Variants in CCDC62 observed in about 807,000 individuals in gnomAD.
CCDC62 encodes the protein coiled-coil domain-containing protein 62.
Under a neutral mutation model 80.8 loss-of-function variants are expected in CCDC62, and 72 were observed. The ratio of observed to expected loss-of-function variants is 0.89; its 90% confidence interval spans 0.74 to 1.08. CCDC62 has a LOEUF of 1.08. Ranked by LOEUF, CCDC62 falls within the 50% of genes least tolerant of loss-of-function variation. The probability of loss-of-function intolerance (pLI) is 0.00; values close to 1 mark genes in which losing one functional copy is unlikely to be tolerated. For missense variants in CCDC62, 704 were observed against 809.4 expected (o/e 0.87, Z 1.58); for synonymous variants, 286 against 296.5 (o/e 0.96, Z 0.36).
At chr12:122,789,612 T>C (rs534577897) in intron 5 of CCDC62, among the ~76,000 whole-genome samples, 168 of 152,222 alleles carry the variant, frequency 1.1e-3, no homozygotes, top group African/African-American at 3.9e-3. Flanking sequence ...TTTGGATGTT[T>C]AGTAGAGACA....
chr12:122,797,367 C>T lies in CCDC62; in HGVS notation c.833C>T (p.Thr278Ile). The change falls in exon 7 of 13, where the codon ACA becomes ATA. Residue 278 changes from threonine to isoleucine, a missense_variant. Coordinates refer to ENST00000253079, the MANE Select transcript of CCDC62 (RefSeq NM_201435.5). ...LNIAKSKQERTNSELHNLRQI... is the reference protein window; with the variant it reads ...LNIAKSKQERINSELHNLRQI... The stretch of plus-strand genomic sequence containing the variant: ...ATTGCGAAGTCAAAGCAAGAACGCA[C>T]AAATTCAGAACTGCACAATCTGAGA... The T allele has an allele frequency of 6.3e-7, 1 of 1,597,182 alleles. No homozygotes were observed. The highest frequency in any genetic ancestry group is 1.1e-5 in the South Asian group (1 of 90,678).
chr12:122,803,944 G>T (rs2031445728), intron 9 of CCDC62, among the ~76,000 whole-genome samples: 1 of 152,176 alleles, frequency 6.6e-6, no homozygotes, highest in East Asian at 1.9e-4. Flanking sequence ...TGACCTCACC[G>T]ACTTAAAATG....
chr12:122,798,367 C>CTT (rs2031094053), intron 8 of CCDC62, among the ~76,000 whole-genome samples, 167 bp downstream of exon 8: 1 of 152,154 alleles, frequency 6.6e-6, no homozygotes, highest in Non-Finnish European at 1.5e-5. Flanking sequence ...CTTTGGGAGG[C>CTT]CAAGGCAGGT....
At chr12:122,781,679 C>G (rs1442760153) in intron 3 of CCDC62, among the ~76,000 whole-genome samples, 1 of 147,832 alleles carries the variant, frequency 6.8e-6, no homozygotes, top group Non-Finnish European at 1.5e-5. Flanking sequence ...GAGCGAAACT[C>G]TGTCTCAAAA....
At chr12:122,800,652 C>G (rs563487262) in intron 8 of CCDC62, among the ~76,000 whole-genome samples, 5 of 152,240 alleles carry the variant, frequency 3.3e-5, no homozygotes, top group East Asian at 3.9e-4. Context: ...GTCTCGAACT[C>G]CTGACCTCAG....
chr12:122,793,794 T>C (rs2030774541), intron 6 of CCDC62, among the ~76,000 whole-genome samples: 1 of 152,098 alleles, frequency 6.6e-6, no homozygotes, highest in African/African-American at 2.4e-5. Flanking sequence ...AATTTTAATC[T>C]CTTGTGATTA....
At chr12:122,818,452 C>CAA (rs138729013) in intron 11 of CCDC62, among the ~76,000 whole-genome samples, 17 of 61,886 alleles carry the variant, frequency 2.7e-4, no homozygotes, top group Admixed American at 4.0e-4. Flanking sequence ...GACTCTGTCT[C>CAA]AAAAAAAAAA....
chr12:122,806,193 A>C lies in CCDC62; in HGVS notation c.1749A>C (p.Ser583=). The C allele has an allele frequency of 6.2e-7, 1 of 1,613,866 alleles. No individual in the cohort carries two copies. Among genetic ancestry groups the C allele is most frequent in the Non-Finnish European group, 8.5e-7 (1 of 1,179,866 alleles). The change falls in exon 10 of 13, where the codon TCA becomes TCC. Residue 583 remains serine, a synonymous_variant. Coordinates refer to ENST00000253079, the MANE Select transcript of CCDC62 (RefSeq NM_201435.5). ...AIQDSHSLGS[S]KSALREDETE... ...AAGATTCCCACTCTTTGGGTTCTTC[A>C]AAATCTGCCTTGAGAGAAGATGAGA...
At chr12:122,777,305 T>C (rs1879522791) in intron 1 of CCDC62, 186 bp from the exon 2 acceptor site, 2 of 551,064 alleles carry the variant, frequency 3.6e-6, no homozygotes, top group East Asian at 3.1e-5. Context: ...AGAGGCAGAG[T>C]GCATGGTAGA....
At chr12:122,787,750 GAAA>G (rs142368952) in intron 4 of CCDC62, among the ~76,000 whole-genome samples, 3 of 131,638 alleles carry the variant, frequency 2.3e-5, no homozygotes, top group African/African-American at 8.4e-5. Context: ...ACTTCATCTG[GAAA>G]AAAAAAAAAA....
chr12:122,785,685 C>G (rs373115965), intron 3 of CCDC62, 34 bp from the exon 4 acceptor site: 1 of 1,375,380 alleles, frequency 7.3e-7, no homozygotes, highest in Non-Finnish European at 1.0e-6. Context: ...TTTAAAAGGA[C>G]TCAAGCAGTA....
At chr12:122,814,008 G>A (rs925254533) in intron 11 of CCDC62, among the ~76,000 whole-genome samples, 9 of 151,646 alleles carry the variant, frequency 5.9e-5, no homozygotes, top group African/African-American at 1.2e-4. Flanking sequence ...AAGGCCGGGC[G>A]TGGTGGCTCA....
chr12:122,806,384 C>A, intron 10 of CCDC62, 89 bp downstream of exon 10: 4 of 941,692 alleles, frequency 4.2e-6, no homozygotes, highest in South Asian at 3.2e-5. Flanking sequence ...TGTTAGCTTG[C>A]TTATTTTGGC....
Position 122,777,496 on chromosome 12 carries a change from C to T in CCDC62, c.42C>T (p.Ile14=), listed in dbSNP as rs61956960. ...PAAFLAGRQN[I]GSEVEISTIE... is the part of the protein sequence containing the mutation. ...AAACCGCTTTCTATGTTTAGAACAT[C>T]GGGTCAGAAGTTGAGATTTCCACTA... Residue 14 remains isoleucine, a synonymous_variant, in exon 2 of 13, where the codon ATC becomes ATT. Transcript: ENST00000253079. The T allele has an allele frequency of 0.012, 19,197 of 1,606,116 alleles. 153 individuals are homozygous for T. Among genetic ancestry groups the T allele is most frequent in the Non-Finnish European group, 0.015 (17,227 of 1,175,252 alleles).
chr12:122,805,704 C>T lies in CCDC62; in HGVS notation c.1707-447C>T, dbSNP rs959569479. Among the ~76,000 whole-genome samples the T allele has an allele frequency of 2.0e-5, 3 of 151,876 alleles. 1 individual carries two copies. The highest frequency in any genetic ancestry group is 2.9e-5 in the Non-Finnish European group (2 of 67,962). The stretch of plus-strand genomic sequence containing the variant: ...TAATTTTTTGTATTTTTAGTAGAGA[C>T]GGGGTTTCACCGTGTTAGGATGGTC... On this transcript the variant is annotated intron_variant, in intron 9 of 12. Coordinates refer to ENST00000253079, the MANE Select transcript of CCDC62 (RefSeq NM_201435.5).
At chr12:122,779,374 C>A (rs964835134) in intron 2 of CCDC62, among the ~76,000 whole-genome samples, 17 of 152,152 alleles carry the variant, frequency 1.1e-4, no homozygotes, top group Non-Finnish European at 2.1e-4. Flanking sequence ...TCTAGTGAAG[C>A]TGAAGGTGTG....
chr12:122,780,210 CTGA>C (rs1879752207), intron 2 of CCDC62, among the ~76,000 whole-genome samples: 1 of 151,244 alleles, frequency 6.6e-6, no homozygotes, highest in African/African-American at 2.4e-5. Context: ...ACTTGGGAGG[CTGA>C]GGCAGAAGAA....
chr12:122,820,060 T>C (rs1420939844), intron 11 of CCDC62, among the ~76,000 whole-genome samples: 1 of 1,420 alleles, frequency 7.0e-4, no homozygotes, highest in Admixed American at 8.2e-3. Flanking sequence ...AGATCCTGTC[T>C]CAAAAAAAAA....
chr12:122,818,774 C>T (rs181137993), intron 11 of CCDC62, among the ~76,000 whole-genome samples: 1 of 152,126 alleles, frequency 6.6e-6, no homozygotes, highest in Non-Finnish European at 1.5e-5. Flanking sequence ...TAAAAATTAG[C>T]CAAGTGTAGT....
Sources: allele counts gnomAD v4.1 joint callset (sites outside exome capture counted in the v4.1 genomes callset), GRCh38; gene constraint gnomAD v4.1.1; transcripts MANE v1.5; gene names NCBI Gene and HGNC (gene_info 2026-07-23, HGNC 2026-07-21).